Variants in VTI1A observed in about 807,000 individuals in gnomAD.
VTI1A encodes vesicle transport through interaction with t-SNAREs 1A, also known as vesicle transport through interaction with t-SNAREs homolog 1A.
Under a neutral mutation model 34.9 loss-of-function variants are expected in VTI1A, and 22 were observed. The ratio of observed to expected loss-of-function variants is 0.63; its 90% CI spans 0.45 to 0.90. VTI1A has a LOEUF of 0.90. Among genes scored for constraint, VTI1A ranks in the 40% least tolerant of loss-of-function variants. The probability of loss-of-function intolerance (pLI) is 0.00; values close to 1 mark genes in which losing one functional copy is unlikely to be tolerated. For synonymous variants in VTI1A, 87 were observed against 97.3 expected, an observed-to-expected ratio of 0.89 and a Z score of 0.62; for missense variants, 268 against 275.6, an observed-to-expected ratio of 0.97 and a Z score of 0.20.
intron 3 of VTI1A, among the ~76,000 whole-genome samples, chr10:112,473,500 G>T (rs1331603986): frequency 6.6e-6 from 1 of 151,932 alleles, no homozygotes; most frequent in East Asian, 1.9e-4. Context: ...ATATTTCCTT[G>T]AGTGATGTTA....
intron 3 of VTI1A, among the ~76,000 whole-genome samples, chr10:112,501,906 C>G (rs1490806301): frequency 6.6e-6 from 1 of 151,904 alleles, no homozygotes; most frequent in Non-Finnish European, 1.5e-5. Flanking sequence ...ATCTCAGGCC[C>G]TCGAGTTTCC....
chr10:112,656,387 CTTTT>C (rs71489977), intron 5 of VTI1A, among the ~76,000 whole-genome samples: 17 of 132,990 alleles, frequency 1.3e-4, no homozygotes, highest in South Asian at 2.4e-4. Flanking sequence ...CTTCCCAAAC[CTTTT>C]TTTTTTTTTT....
chr10:112,609,204 A>C (rs967740892), intron 5 of VTI1A, among the ~76,000 whole-genome samples: 5 of 152,152 alleles, frequency 3.3e-5, no homozygotes, highest in African/African-American at 1.2e-4. Context: ...TTGGGAAAGG[A>C]TTAAGTGATG....
chr10:112,638,496 T>G (rs1396197751), intron 5 of VTI1A, among the ~76,000 whole-genome samples: 2 of 152,182 alleles, frequency 1.3e-5, no homozygotes, highest in Non-Finnish European at 2.9e-5. Flanking sequence ...TTTATTTATC[T>G]TATAACAACA....
intron 5 of VTI1A, among the ~76,000 whole-genome samples, chr10:112,574,997 G>T: frequency 6.6e-6 from 1 of 152,196 alleles, no homozygotes; most frequent in East Asian, 1.9e-4. Flanking sequence ...ATAAGGCCCT[G>T]ATGTGTTAAG....
intron 5 of VTI1A, among the ~76,000 whole-genome samples, chr10:112,667,692 T>G (rs1407910113): frequency 6.6e-6 from 1 of 152,118 alleles, no homozygotes; most frequent in Non-Finnish European, 1.5e-5. Flanking sequence ...GCCCTTGCCT[T>G]GAAGAGAGCA....
At chr10:112,745,588 T>C (rs569226735) in intron 7 of VTI1A, among the ~76,000 whole-genome samples, 7 of 152,314 alleles carry the variant, frequency 4.6e-5, no homozygotes, top group African/African-American at 1.7e-4. Context: ...GACATGTGAA[T>C]CTATCCCACT....
chr10:112,738,330 A>G (rs1850571207), intron 7 of VTI1A, among the ~76,000 whole-genome samples: 1 of 152,190 alleles, frequency 6.6e-6, no homozygotes, highest in South Asian at 2.1e-4. Flanking sequence ...AGGCAGAATA[A>G]CTATTCTTTC....
intron 5 of VTI1A, among the ~76,000 whole-genome samples, chr10:112,606,734 T>A (rs1054475313): frequency 6.6e-6 from 1 of 152,226 alleles, no homozygotes; most frequent in Non-Finnish European, 1.5e-5. Flanking sequence ...GACTGATGGC[T>A]AAGATGAGAA....
chr10:112,777,054 C>CT (rs1355722088), intron 7 of VTI1A, among the ~76,000 whole-genome samples: 3 of 151,884 alleles, frequency 2.0e-5, no homozygotes, highest in Middle Eastern at 3.2e-3. Context: ...TCTTTCAAAG[C>CT]TTTTTTTTCC....
At chr10:112,501,711 T>C (rs1334281139) in intron 3 of VTI1A, among the ~76,000 whole-genome samples, 1 of 141,800 alleles carries the variant, frequency 7.1e-6, no homozygotes, top group Non-Finnish European at 1.5e-5. Context: ...AAAATTTTCA[T>C]GTTTGCTTTT....
At chr10:112,834,359 G>T in the VTI1A span, among the ~76,000 whole-genome samples, 329 of 152,284 alleles carry the variant, frequency 2.2e-3, 3 homozygotes, top group Non-Finnish European at 3.2e-3. Flanking sequence ...GCAATTCTTG[G>T]CTAGAAAGAG....
At chr10:112,575,904 A>C (rs1843686755) in intron 5 of VTI1A, among the ~76,000 whole-genome samples, 1 of 152,144 alleles carries the variant, frequency 6.6e-6, no homozygotes, top group Admixed American at 6.5e-5. Context: ...AATAGCTTCC[A>C]ATTAGCAATT....
At chr10:112,668,799 T>C (rs1483619780) in intron 6 of VTI1A, 138 bp from the exon 7 acceptor site, 5 of 887,608 alleles carry the variant, frequency 5.6e-6, no homozygotes, top group Middle Eastern at 2.3e-4. Flanking sequence ...TGTGTAGCTG[T>C]CAGAATGTAT....
chr10:112,533,729 A>G (rs1162680191), intron 4 of VTI1A, among the ~76,000 whole-genome samples: 1 of 151,990 alleles, frequency 6.6e-6, no homozygotes, highest in Non-Finnish European at 1.5e-5. Flanking sequence ...ACACAACTAT[A>G]TCCTAATCAT....
upstream of VTI1A, chr10:112,447,106 G>A (rs753908691): frequency 2.9e-5 from 14 of 487,044 alleles, no homozygotes; most frequent in Non-Finnish European, 4.5e-5. Flanking sequence ...CTTTTCTGGG[G>A]GGAGGCACTA....
intron 7 of VTI1A, among the ~76,000 whole-genome samples, chr10:112,781,014 G>A (rs557473500): frequency 7.9e-5 from 12 of 152,038 alleles, no homozygotes; most frequent in Admixed American, 3.3e-4. Context: ...GGCTGATCTC[G>A]GCTCACTGCA....
At chr10:112,579,370 A>G (rs1843833751) in intron 5 of VTI1A, among the ~76,000 whole-genome samples, 1 of 152,186 alleles carries the variant, frequency 6.6e-6, no homozygotes, top group Non-Finnish European at 1.5e-5. Context: ...ATAGTGTCAT[A>G]ATTTAGTTGA....
In VTI1A at chr10:112,586,481, A is replaced by G. The variant is rs114183070; in HGVS notation, c.427+48151A>G. ...AACCTTTTTCCTTAGTTTTCCTGCA[A>G]TCCTCTGTATAAAGCCTATTTTCAA... On this transcript the variant is annotated intron_variant, in intron 5 of 7. Transcript: ENST00000393077. 1.2e-3 allele frequency among the ~76,000 whole-genome samples: 180 copies of G among 152,270 alleles called. 1 individual carries two copies. The highest frequency in any genetic ancestry group is 4.1e-3 in the African/African-American group (170 of 41,540).
Sources: allele counts gnomAD v4.1 joint callset (sites outside exome capture counted in the v4.1 genomes callset), GRCh38; gene constraint gnomAD v4.1.1; transcripts MANE v1.5; gene names NCBI Gene and HGNC (gene_info 2026-07-23, HGNC 2026-07-21).